CAMKMT: variants seen among roughly 807,000 people sequenced by gnomAD.
CAMKMT encodes CaM KMT.
CAMKMT carries 53 observed loss-of-function variants against 48.0 expected under a neutral mutation model. The observed-to-expected ratio is 1.10, with a 90% confidence interval of 0.89 to 1.39. The LOEUF is 1.39. Ranked by LOEUF, CAMKMT falls within the 40% of genes most tolerant of loss-of-function variation. The pLI is 0.00. For synonymous variants in CAMKMT, 165 were observed against 152.3 expected (o/e 1.08, Z -0.61); for missense variants, 428 against 402.7 (o/e 1.06, Z -0.54).
At chr2:44,769,500 T>G (rs1431438882) in intron 10 of CAMKMT, among the ~76,000 whole-genome samples, 1 of 152,204 alleles carries the variant, frequency 6.6e-6, no homozygotes, top group Non-Finnish European at 1.5e-5. Context: ...GCCCTCATAG[T>G]GTGGTTCAAA....
chr2:44,762,601 C>T (rs1169457450), intron 9 of CAMKMT, among the ~76,000 whole-genome samples: 1 of 152,152 alleles, frequency 6.6e-6, no homozygotes, highest in Non-Finnish European at 1.5e-5. Context: ...CACATGTATA[C>T]ATATGTAACA....
intron 8 of CAMKMT, 45 bp from the exon 9 acceptor site, chr2:44,754,010 T>A (rs751701598): frequency 6.8e-7 from 1 of 1,472,000 alleles, no homozygotes; most frequent in Non-Finnish European, 9.5e-7. Flanking sequence ...TCATTAGACT[T>A]GAAAACCCAG....
chr2:44,375,949 C>G (rs1477069986), intron 2 of CAMKMT, among the ~76,000 whole-genome samples: 1 of 151,994 alleles, frequency 6.6e-6, no homozygotes, highest in Admixed American at 6.5e-5. Flanking sequence ...TCACACCTGG[C>G]TAATTTTTTT....
At chr2:44,586,919 T>C (rs1013537822) in intron 3 of CAMKMT, among the ~76,000 whole-genome samples, 2 of 152,102 alleles carry the variant, frequency 1.3e-5, no homozygotes, top group Non-Finnish European at 2.9e-5. Context: ...CTATTTTACA[T>C]TGCCAGCAGC....
intron 7 of CAMKMT, among the ~76,000 whole-genome samples, chr2:44,721,665 C>A (rs1395715269): frequency 1.3e-5 from 2 of 152,116 alleles, no homozygotes; most frequent in Non-Finnish European, 2.9e-5. Context: ...ATTTTCATCA[C>A]CCCCAAAAGA....
At chr2:44,428,184 T>C (rs1055450780) in intron 3 of CAMKMT, among the ~76,000 whole-genome samples, 1 of 152,116 alleles carries the variant, frequency 6.6e-6, no homozygotes, top group African/African-American at 2.4e-5. Flanking sequence ...TCACACGGAC[T>C]TGAAGGATGG....
At chr2:44,564,782 C>T (rs1441975519) in intron 3 of CAMKMT, among the ~76,000 whole-genome samples, 1 of 152,180 alleles carries the variant, frequency 6.6e-6, no homozygotes, top group African/African-American at 2.4e-5. Flanking sequence ...TCAGGTGATC[C>T]ACCTGCTTTG....
At chr2:44,694,464 C>G (rs1187649285) in intron 3 of CAMKMT, among the ~76,000 whole-genome samples, 1 of 152,118 alleles carries the variant, frequency 6.6e-6, no homozygotes. Flanking sequence ...GTCCCACCTA[C>G]TTGGGAGAGA....
At chr2:44,517,543 G>C (rs1670893556) in intron 3 of CAMKMT, among the ~76,000 whole-genome samples, 1 of 152,186 alleles carries the variant, frequency 6.6e-6, no homozygotes, top group South Asian at 2.1e-4. Context: ...TCTCAACAGG[G>C]AGTGGTGCTT....
chr2:44,447,475 A>G (rs1019972061), intron 3 of CAMKMT, among the ~76,000 whole-genome samples: 12 of 152,204 alleles, frequency 7.9e-5, no homozygotes, highest in African/African-American at 2.9e-4. Flanking sequence ...GGGATAGGTT[A>G]TGTTGCAATA....
chr2:44,595,897 C>G (rs1670624193), intron 3 of CAMKMT, among the ~76,000 whole-genome samples: 1 of 151,652 alleles, frequency 6.6e-6, no homozygotes, highest in Middle Eastern at 3.2e-3. Context: ...GAAAACCAAA[C>G]ACTGCATGTT....
At chr2:44,414,706 A>G (rs1302659655) in intron 3 of CAMKMT, among the ~76,000 whole-genome samples, 1 of 152,192 alleles carries the variant, frequency 6.6e-6, no homozygotes, top group Non-Finnish European at 1.5e-5. Context: ...TGAAGATGCA[A>G]AGATCATTGA....
intron 2 of CAMKMT, among the ~76,000 whole-genome samples, chr2:44,386,458 A>G (rs529292021): frequency 7.7e-4 from 117 of 152,210 alleles, no homozygotes; most frequent in African/African-American, 2.7e-3. Flanking sequence ...TTTTCAAAGA[A>G]CCAGCTTTTT....
At chr2:44,560,191 A>G (rs1164164135) in intron 3 of CAMKMT, among the ~76,000 whole-genome samples, 1 of 152,204 alleles carries the variant, frequency 6.6e-6, no homozygotes, top group African/African-American at 2.4e-5. Flanking sequence ...TGACTTGGCC[A>G]GTTTTTCTTA....
At chr2:44,596,841 A>T (rs1467548885) in intron 3 of CAMKMT, among the ~76,000 whole-genome samples, 2 of 152,216 alleles carry the variant, frequency 1.3e-5, no homozygotes, top group South Asian at 4.1e-4. Flanking sequence ...AGTCATTAAA[A>T]TTATGCATAT....
chr2:44,546,413 A>G (rs1667412682), intron 3 of CAMKMT, among the ~76,000 whole-genome samples: 1 of 152,150 alleles, frequency 6.6e-6, no homozygotes, highest in South Asian at 2.1e-4. Context: ...GACCATTTCC[A>G]TCATCACAAG....
chr2:44,541,022 T>A (rs1667078273), intron 3 of CAMKMT, among the ~76,000 whole-genome samples: 1 of 152,246 alleles, frequency 6.6e-6, no homozygotes, highest in South Asian at 2.1e-4. Context: ...CTAATTTCTA[T>A]ATGTACATGG....
At chr2:44,512,388 G>C (rs1473521210) in intron 3 of CAMKMT, among the ~76,000 whole-genome samples, 1 of 152,204 alleles carries the variant, frequency 6.6e-6, no homozygotes, top group Non-Finnish European at 1.5e-5. Context: ...CTGGCATGTT[G>C]TAAGCATTAA....
At chr2:44,504,681 T>A (rs1027690694) in intron 3 of CAMKMT, among the ~76,000 whole-genome samples, 9 of 152,216 alleles carry the variant, frequency 5.9e-5, no homozygotes, top group Non-Finnish European at 1.3e-4. Flanking sequence ...TGGTGATATC[T>A]CATTATGGCT....
Sources: allele counts gnomAD v4.1 joint callset (sites outside exome capture counted in the v4.1 genomes callset), GRCh38; gene constraint gnomAD v4.1.1; transcripts MANE v1.5; gene names NCBI Gene and HGNC (gene_info 2026-07-23, HGNC 2026-07-21).